Variants in GRID1 observed in about 807,000 individuals in gnomAD.
The protein encoded by GRID1 is glutamate receptor ionotropic, delta-1.
In GRID1, 28 loss-of-function variants were observed where a neutral mutation model predicts 98.0. That is an observed-to-expected ratio of 0.29 (90% CI 0.21 to 0.39). GRID1 has a LOEUF of 0.39. Among genes scored for constraint, GRID1 ranks in the 10% least tolerant of loss-of-function variants. The pLI is 1.00. For missense variants in GRID1, 1,111 were observed against 1,340.5 expected, an observed-to-expected ratio of 0.83 and a Z score of 2.67; for synonymous variants, 553 against 538.5, an observed-to-expected ratio of 1.03 and a Z score of -0.37.
Position 85,856,958 on chromosome 10 carries a change from T to C in GRID1, c.952-768A>G, listed in dbSNP as rs1843116138. On this transcript the variant is annotated intron_variant, in intron 6 of 15. Coordinates refer to ENST00000327946, the MANE Select transcript of GRID1 (RefSeq NM_017551.3). ...TACTAAGGAGGACTAGCAACAGAGG[T>C]GACTGTAGGGAGAAGGACGCCTTTG... Among the ~76,000 whole-genome samples, 4 of 151,816 alleles carry C rather than the reference T, an allele frequency of 2.6e-5. No homozygotes were observed. In the South Asian group the frequency reaches 8.3e-4, roughly 32 times the overall value.
intron 4 of GRID1, among the ~76,000 whole-genome samples, chr10:86,050,265 T>C (rs1283594856): frequency 6.6e-6 from 1 of 152,250 alleles, no homozygotes; most frequent in Non-Finnish European, 1.5e-5. Context: ...TGGCAAAACC[T>C]ACTTGGAATT....
At chr10:86,297,203 AAAAG>A in intron 2 of GRID1, among the ~76,000 whole-genome samples, 1 of 152,328 alleles carries the variant, frequency 6.6e-6, no homozygotes, top group Non-Finnish European at 1.5e-5. Flanking sequence ...TCAATAAATG[AAAAG>A]AAATGAGAGG....
chr10:85,803,991 A>G (rs900441624), intron 8 of GRID1, among the ~76,000 whole-genome samples: 2 of 151,942 alleles, frequency 1.3e-5, no homozygotes, highest in Non-Finnish European at 2.9e-5. Context: ...TAAGGAGCTA[A>G]GAAGAACAAA....
chr10:85,782,592 A>C (rs910423473), intron 8 of GRID1, among the ~76,000 whole-genome samples: 2 of 152,250 alleles, frequency 1.3e-5, no homozygotes, highest in Non-Finnish European at 2.9e-5. Flanking sequence ...TCATTGAAGA[A>C]GAGTTATTTG....
chr10:85,851,299 G>A (rs1843056289), intron 8 of GRID1, among the ~76,000 whole-genome samples: 1 of 152,152 alleles, frequency 6.6e-6, no homozygotes, highest in Admixed American at 6.6e-5. Context: ...GCAGACCCAT[G>A]CCAGACAGCT....
intron 12 of GRID1, among the ~76,000 whole-genome samples, chr10:85,704,827 G>A (rs138750308): frequency 0.016 from 2,509 of 152,178 alleles, 34 homozygotes; most frequent in South Asian, 0.036. Flanking sequence ...ACTCAAAACC[G>A]CTCAACTACA....
At chr10:86,099,383 T>C (rs1362508902) in intron 4 of GRID1, among the ~76,000 whole-genome samples, 1 of 152,120 alleles carries the variant, frequency 6.6e-6, no homozygotes, top group Non-Finnish European at 1.5e-5. Context: ...CAGAGACCAG[T>C]AGTTCAGAGT....
chr10:86,366,599 C>A lies in GRID1; in HGVS notation c.-207G>T. The A allele has an allele frequency of 5.3e-6, 1 of 188,572 alleles. No individual in the cohort carries two copies. The highest frequency in any genetic ancestry group is 1.7e-4 in the South Asian group (1 of 5,858). 11.7% of individuals were successfully genotyped at this position (188,572 alleles called of 1,614,324 possible). On this transcript the variant is annotated 5_prime_UTR_variant, in exon 1 of 16. Transcript: ENST00000327946. This position sits in a 1 kb window ranked among gnomAD's most constrained non-coding sequence, Gnocchi z 4.1. ...AGCCCAGCGCGGTCGGGCTCCCGCT[C>A]CGGCTCCGGTGGCGGCTGCGGCGGT...
chr10:85,964,304 T>C (rs536542407), intron 4 of GRID1, among the ~76,000 whole-genome samples: 34 of 152,248 alleles, frequency 2.2e-4, no homozygotes, highest in African/African-American at 7.9e-4. Context: ...AAATTTCATA[T>C]GGAACCAAAA....
At chr10:86,041,862 A>G (rs1001706513) in intron 4 of GRID1, among the ~76,000 whole-genome samples, 2 of 152,166 alleles carry the variant, frequency 1.3e-5, no homozygotes, top group Non-Finnish European at 2.9e-5. Context: ...CTTTTCACCC[A>G]GGATGTTCAC....
intron 5 of GRID1, among the ~76,000 whole-genome samples, chr10:85,909,347 G>A (rs1173774566): frequency 6.6e-6 from 1 of 152,170 alleles, no homozygotes; most frequent in East Asian, 1.9e-4. Context: ...GCAGTTTCTT[G>A]AAAAGTTAAC....
intron 12 of GRID1, among the ~76,000 whole-genome samples, chr10:85,684,700 T>C (rs1415614028): frequency 6.6e-6 from 1 of 152,224 alleles, no homozygotes; most frequent in Admixed American, 6.5e-5. Flanking sequence ...CCATACTATT[T>C]AGCTCAGGCT....
chr10:85,772,679 A>G (rs889499818), intron 8 of GRID1, among the ~76,000 whole-genome samples: 3 of 152,252 alleles, frequency 2.0e-5, no homozygotes, highest in Admixed American at 1.3e-4. Context: ...CTACCATCAG[A>G]GAATACTATA....
intron 4 of GRID1, among the ~76,000 whole-genome samples, chr10:86,025,642 T>C (rs1843107174): frequency 6.6e-6 from 1 of 152,226 alleles, no homozygotes; most frequent in East Asian, 1.9e-4. Flanking sequence ...GGATGTTTCC[T>C]TCAGGTGTCA....
chr10:86,354,064 GA>G (rs1848500311), intron 2 of GRID1, among the ~76,000 whole-genome samples: 2 of 152,226 alleles, frequency 1.3e-5, no homozygotes, highest in Admixed American at 6.5e-5. Flanking sequence ...TGAAAAGGCA[GA>G]AGGCCCACGG....
intron 4 of GRID1, among the ~76,000 whole-genome samples, chr10:86,068,590 C>A (rs1001267990): frequency 6.6e-6 from 1 of 152,186 alleles, no homozygotes; most frequent in Non-Finnish European, 1.5e-5. Flanking sequence ...CCACGTGGGG[C>A]TCCTGCCTAA....
At chr10:85,771,968 G>A (rs867323689) in intron 8 of GRID1, among the ~76,000 whole-genome samples, 3 of 152,040 alleles carry the variant, frequency 2.0e-5, no homozygotes, top group African/African-American at 7.2e-5. Context: ...TGCACCAAGT[G>A]GACCTAATAG....
At chr10:86,114,471 G>T (rs1844542002) in intron 4 of GRID1, among the ~76,000 whole-genome samples, 1 of 152,126 alleles carries the variant, frequency 6.6e-6, no homozygotes. Flanking sequence ...GAAACTCAGG[G>T]CTCAGGAAGG....
intron 2 of GRID1, among the ~76,000 whole-genome samples, chr10:86,263,931 T>C (rs1237549395): frequency 6.6e-6 from 1 of 152,142 alleles, no homozygotes; most frequent in Non-Finnish European, 1.5e-5. Context: ...TTGGCTCACA[T>C]TTTGCAGAGG....
Sources: allele counts gnomAD v4.1 joint callset (sites outside exome capture counted in the v4.1 genomes callset), GRCh38; gene constraint gnomAD v4.1.1; non-coding constraint Gnocchi (gnomAD v3.1); transcripts MANE v1.5; gene names NCBI Gene and HGNC (gene_info 2026-07-23, HGNC 2026-07-21).